The following NAALADL1 variants were observed in gnomAD, a reference collection of about 807,000 sequenced individuals.
NAALADL1 encodes the protein aminopeptidase NAALADL1.
In NAALADL1, 77 loss-of-function variants were observed where a neutral mutation model predicts 82.8. That is an observed-to-expected ratio of 0.93 (90% CI 0.77 to 1.12). NAALADL1 has a LOEUF of 1.12. NAALADL1 is among the 50% of genes most tolerant of loss of function. NAALADL1 has a pLI of 0.00. For missense variants in NAALADL1, 956 were observed against 964.0 expected, an observed-to-expected ratio of 0.99 and a Z score of 0.11; for synonymous variants, 358 against 399.2, an observed-to-expected ratio of 0.90 and a Z score of 1.23.
rs746100060 is a variant in NAALADL1 at position 65,046,313 on chromosome 11, G to A, written c.1731C>T (p.Leu577=). The stretch of plus-strand genomic sequence containing the variant: ...GCAGGAAGAAGCTGTCACTGAGCCG[G>A]AGAATCACACTCCCCGCTGTCCGGG... ...AVARTAGSVI[L]RLSDSFFLPL... Residue 577 remains leucine, a synonymous_variant, in exon 15 of 18, where the codon CTC becomes CTT. Transcript: ENST00000358658. The A allele has an allele frequency of 6.2e-7, 1 of 1,614,214 alleles. No homozygotes were observed. Among genetic ancestry groups the A allele is most frequent in the East Asian group, 2.2e-5 (1 of 44,892 alleles).
rs1375841754 is a variant in NAALADL1 at position 65,054,770 on chromosome 11, G to A, written c.604-32C>T. ...TGGGCAGAGGAGGCTGTGTGTAAGG[G>A]AGGGACCGGGACCAGATATGTCCTA... On this transcript the variant is annotated intron_variant, in intron 4 of 17. Coordinates refer to ENST00000358658, the MANE Select transcript of NAALADL1 (RefSeq NM_005468.3). This position sits in a 1 kb window ranked among gnomAD's most constrained non-coding sequence, Gnocchi z 4.3. 3.1e-6 allele frequency: 5 copies of A among 1,602,182 alleles called. No individual in the cohort carries two copies. In the South Asian group the frequency reaches 4.4e-5, roughly 14 times the overall value.
At position 65,047,960 on chromosome 11, in the gene NAALADL1, G is replaced by A. The variant is rs370359317; in HGVS notation, c.1416+21C>T. The A allele has an allele frequency of 1.7e-5, 18 of 1,075,232 alleles. No homozygotes were observed. The Admixed American group carries it at 5.6e-4, about 34-fold the overall frequency. The allele number at this position is 1,075,232 out of a possible 1,614,324, so 66.6% of individuals were successfully genotyped here. ...GGCCCGCCCCAGCTAGTTCAGCCCC[G>A]CCCGGCCTGCCCCCTTCCACCTCTT... On this transcript the variant is annotated intron_variant, in intron 11 of 17. Transcript: ENST00000358658.
intron 13 of NAALADL1, among the ~76,000 whole-genome samples, chr11:65,047,196 A>G (rs1946752697): frequency 6.6e-6 from 1 of 152,192 alleles, no homozygotes. Flanking sequence ...GAGGCCGGGC[A>G]CCAAGGCTCA....
In NAALADL1 at chr11:65,046,213, G is replaced by A. The variant is rs36053340; in HGVS notation, c.1831C>T (p.Leu611=). 6.2e-7 allele frequency: 1 copy of A among 1,614,092 alleles called. No individual in the cohort carries two copies. Among genetic ancestry groups the A allele is most frequent in the African/African-American group, 1.3e-5 (1 of 75,062 alleles). ...CCCAGGCTGATGCTGTGCTGCTCCA[G>A]CAGGGCCCCAAGATCTTGCTGGGCT... The part of the protein sequence containing the change: ...QAAQQDLGAL[L]EQHSISLGPL... Residue 611 remains leucine (L), a synonymous_variant, in exon 15 of 18, where the codon CTG becomes TTG. Coordinates refer to ENST00000358658, the MANE Select transcript of NAALADL1 (RefSeq NM_005468.3).
chr11:65,056,969 G>A (rs956207440), intron 4 of NAALADL1, among the ~76,000 whole-genome samples: 4 of 152,212 alleles, frequency 2.6e-5, no homozygotes, highest in Admixed American at 6.5e-5. Context: ...TGCCCACTTC[G>A]GCCTCCCAAA....
At chr11:65,051,313 T>C (rs1946879609) in intron 8 of NAALADL1, among the ~76,000 whole-genome samples, 1 of 103,930 alleles carries the variant, frequency 9.6e-6, no homozygotes, top group Admixed American at 1.1e-4. Flanking sequence ...CTTTCTTTCT[T>C]TCTTTTTTTT....
At chr11:65,050,025 A>C (rs1048898834) in intron 8 of NAALADL1, among the ~76,000 whole-genome samples, 1 of 150,852 alleles carries the variant, frequency 6.6e-6, no homozygotes, top group African/African-American at 2.4e-5. Context: ...ACAGGCACCC[A>C]CCACCACGCC....
In NAALADL1 at chr11:65,057,891, G is replaced by A. The variant is rs765627575; in HGVS notation, c.464C>T (p.Pro155Leu). Residue 155 changes from proline to leucine, a missense_variant, in exon 3 of 18, where the codon CCT becomes CTT. Coordinates refer to ENST00000358658, the MANE Select transcript of NAALADL1 (RefSeq NM_005468.3). ...DVVQPYAAYA[P>L]SGTPQGLLVY... ...TGGGCCCACCTGTGGGGTTCCAGAA[G>A]GAGCATAGGCAGCATAGGGTTGTAC... The A allele has an allele frequency of 4.2e-5, 67 of 1,613,904 alleles. No individual in the cohort carries two copies. Among genetic ancestry groups the A allele is most frequent in the Non-Finnish European group, 5.3e-5 (62 of 1,180,000 alleles).
intron 8 of NAALADL1, among the ~76,000 whole-genome samples, chr11:65,049,386 G>T (rs1249259895): frequency 6.6e-6 from 1 of 152,044 alleles, no homozygotes; most frequent in Non-Finnish European, 1.5e-5. Context: ...AATTTTTTCT[G>T]CCAAAAATGT....
Position 65,053,409 on chromosome 11 carries a change from G to A in NAALADL1, c.1079-72C>T. The A allele has an allele frequency of 6.2e-7, 1 of 1,612,800 alleles. No homozygotes were observed. The highest frequency in any genetic ancestry group is 1.3e-5 in the African/African-American group (1 of 74,980). On this transcript the variant is annotated intron_variant, in intron 7 of 17. Transcript: ENST00000358658. This position sits in a 1 kb window ranked among gnomAD's most constrained non-coding sequence, Gnocchi z 4.3. ...GGCAGGGGGAGCTGGGCTGGGTGGT[G>A]GCAAGGGCAGGGCTGGATGAGGACA...
intron 8 of NAALADL1, among the ~76,000 whole-genome samples, chr11:65,048,784 A>G (rs1387415960): frequency 6.6e-6 from 1 of 152,126 alleles, no homozygotes; most frequent in Non-Finnish European, 1.5e-5. Flanking sequence ...GCCTTGAGGG[A>G]GATACTATTA....
intron 4 of NAALADL1, among the ~76,000 whole-genome samples, chr11:65,056,163 G>A (rs982798733): frequency 1.3e-5 from 2 of 152,014 alleles, no homozygotes; most frequent in Admixed American, 6.6e-5. Context: ...GGGATTACAG[G>A]CATGAGCCAC....
rs528055313 is a variant in NAALADL1, at chr11:65,052,194, C to A, written c.1198+1024G>T. Among the ~76,000 whole-genome samples, 4 of 152,054 alleles carry A rather than the reference C, an allele frequency of 2.6e-5. No individual in the cohort carries two copies. In the East Asian group the frequency reaches 7.7e-4, roughly 29 times the overall value. Reference sequence around the variant, plus strand: ...CTCTTGCCCCTGGAGCCAGCAGACCCGGGCCCAGCAGCCTGTCCCTGCCCC... The same window carrying A: ...CTCTTGCCCCTGGAGCCAGCAGACCAGGGCCCAGCAGCCTGTCCCTGCCCC... On this transcript the variant is annotated intron_variant, in intron 8 of 17. Coordinates refer to ENST00000358658, the MANE Select transcript of NAALADL1 (RefSeq NM_005468.3).
chr11:65,057,065 A>T (rs1279066239), intron 4 of NAALADL1, among the ~76,000 whole-genome samples: 2 of 152,224 alleles, frequency 1.3e-5, no homozygotes, highest in Non-Finnish European at 2.9e-5. Flanking sequence ...GAGGGCCAAC[A>T]GGAGGGACTT....
At position 65,048,043 on chromosome 11, in the gene NAALADL1, C is replaced by T; in HGVS notation, c.1354G>A (p.Ala452Thr). Residue 452 changes from alanine to threonine, a missense_variant, in exon 11 of 18, where the codon GCT becomes ACT. Ala to Thr is a moderately conservative substitution (Grantham distance 58). Transcript: ENST00000358658. ...INVDISVFAN[A>T]TLRVQGTPPV... ...GGCGTCCCCTGCACCCTAAGGGTAG[C>T]GTTGGCTGTGGGAGGAGGGGAGAAA... 1 of 1,613,988 alleles carries T rather than the reference C, an allele frequency of 6.2e-7. No individual in the cohort carries two copies. The highest frequency in any genetic ancestry group is 8.5e-7 in the Non-Finnish European group (1 of 1,179,970).
chr11:65,058,329 C>T lies in NAALADL1; in HGVS notation c.185+8G>A, dbSNP rs1016040489. Reference sequence around the variant, plus strand: ...GCAAACGGAGGAGCAGATGGCCCCACTTCTCACCTGAGGTTCTCCCGGATC... The same window carrying T: ...GCAAACGGAGGAGCAGATGGCCCCATTTCTCACCTGAGGTTCTCCCGGATC... On this transcript the variant is annotated splice_region_variant and intron_variant, in intron 1 of 17. Coordinates refer to ENST00000358658, the MANE Select transcript of NAALADL1 (RefSeq NM_005468.3). 5 of 1,613,996 alleles carry T rather than the reference C, an allele frequency of 3.1e-6. No homozygotes were observed. The African/African-American group carries it at 6.7e-5, about 22-fold the overall frequency.
chr11:65,053,357 C>A lies in NAALADL1; in HGVS notation c.1079-20G>T, dbSNP rs1400765581. The A allele has an allele frequency of 1.3e-6, 2 of 1,599,206 alleles. No homozygotes were observed. Among genetic ancestry groups the A allele is most frequent in the Non-Finnish European group, 1.7e-6 (2 of 1,173,234 alleles). On this transcript the variant is annotated intron_variant, in intron 7 of 17. Coordinates refer to ENST00000358658, the MANE Select transcript of NAALADL1 (RefSeq NM_005468.3). The surrounding 1 kb of genome is among the most constrained non-coding windows in gnomAD (Gnocchi z 4.3). ...AGCGATCTGGCCAGAGGAAAAGGGG[C>A]AGAGAACCAGAGGAGAGGGAGAGGT... is the stretch of plus-strand genomic sequence containing the variant.
chr11:65,050,001 G>C (rs1194117763), intron 8 of NAALADL1, among the ~76,000 whole-genome samples: 1 of 151,234 alleles, frequency 6.6e-6, no homozygotes, highest in Non-Finnish European at 1.5e-5. Context: ...TCAGCCTCCC[G>C]AGTAGCTGGG....
At chr11:65,057,822 T>C in intron 3 of NAALADL1, 53 bp downstream of exon 3, 1 of 1,606,400 alleles carries the variant, frequency 6.2e-7, no homozygotes, top group Non-Finnish European at 8.5e-7. Flanking sequence ...GGGAGAACCC[T>C]GGGTGGAACC....
Sources: allele counts gnomAD v4.1 joint callset (sites outside exome capture counted in the v4.1 genomes callset), GRCh38; gene constraint gnomAD v4.1.1; non-coding constraint Gnocchi (gnomAD v3.1); transcripts MANE v1.5; gene names NCBI Gene and HGNC (gene_info 2026-07-23, HGNC 2026-07-21).